The following DMXL1 variants were observed in gnomAD, a reference collection of about 807,000 sequenced individuals.
The protein encoded by DMXL1 is Dmx like 1.
A neutral mutation model predicts 319.2 loss-of-function variants in DMXL1; 99 were observed. The observed-to-expected ratio is 0.31, with a 90% CI of 0.26 to 0.37. The LOEUF is 0.37. Among genes scored for constraint, DMXL1 ranks in the 10% least tolerant of loss-of-function variants. DMXL1 has a pLI of 1.00. For missense variants in DMXL1, 3,745 were observed against 3,595.6 expected (o/e 1.04, Z -1.06); for synonymous variants, 1,385 against 1,235.2 (o/e 1.12, Z -2.54).
chr5:119,150,502 C>T, intron 18 of DMXL1, 81 bp downstream of exon 18: 2 of 1,434,082 alleles, frequency 1.4e-6, no homozygotes, highest in Non-Finnish European at 1.8e-6. Flanking sequence ...TAAAATGATG[C>T]CATTGGCTAG....
intron 6 of DMXL1, among the ~76,000 whole-genome samples, chr5:119,115,540 T>G (rs1760656391): frequency 6.6e-6 from 1 of 152,190 alleles, no homozygotes; most frequent in Non-Finnish European, 1.5e-5. Flanking sequence ...GGTTTTTGTT[T>G]TTTAGGAGAG....
chr5:119,105,292 T>C (rs1247802043), intron 4 of DMXL1, 34 bp downstream of exon 4: 2 of 1,504,266 alleles, frequency 1.3e-6, no homozygotes, highest in South Asian at 2.3e-5. Context: ...TAAAATGAAA[T>C]ATCACTTGCC....
intron 28 of DMXL1, among the ~76,000 whole-genome samples, chr5:119,186,247 G>T (rs1232332737): frequency 6.6e-6 from 1 of 152,068 alleles, no homozygotes; most frequent in African/African-American, 2.4e-5. Context: ...GAGACCTGCT[G>T]GTTACTTTAA....
At position 119,171,134 on chromosome 5, in the gene DMXL1, A is replaced by C. The variant is rs752947573; in HGVS notation, c.6343A>C (p.Asn2115His). ...HQTKVKQLRENFQEKRQWLLK... is the reference protein window; with the variant it reads ...HQTKVKQLREHFQEKRQWLLK... ...AACAAAAGTGAAACAACTGAGAGAA[A>C]ATTTTCAGGAAAAAAGACAGTGGCT... The change falls in exon 24 of 44, where the codon AAT becomes CAT. Residue 2115 changes from asparagine to histidine, a missense_variant. This residue lies in a region of DMXL1 where 1,382 missense variants were observed against 1,269.5 expected (regional missense o/e 1.09). Transcript: ENST00000539542. 1.1e-5 allele frequency: 18 copies of C among 1,613,884 alleles called. No homozygotes were observed. The highest frequency in any genetic ancestry group is 1.7e-5 in the Admixed American group (1 of 59,998).
chr5:119,210,533 A>G (rs957876282), intron 34 of DMXL1, among the ~76,000 whole-genome samples: 1 of 152,128 alleles, frequency 6.6e-6, no homozygotes, highest in Non-Finnish European at 1.5e-5. Context: ...TATTTCTTGA[A>G]AAGATTATCT....
Position 119,122,440 on chromosome 5 carries a change from C to A in DMXL1, c.1102+1301C>A, listed in dbSNP as rs1449005508. On this transcript the variant is annotated intron_variant, in intron 9 of 43. Transcript: ENST00000539542. The stretch of plus-strand genomic sequence containing the variant: ...ATGGGGCAGCTGGCCGGGCGGGGGG[C>A]TAACCCCCCCCACCTCCCTCCCAGA... Among the ~76,000 whole-genome samples, 4 of 149,980 alleles carry A rather than the reference C, an allele frequency of 2.7e-5. No individual in the cohort carries two copies. The East Asian group carries it at 8.0e-4, about 30-fold the overall frequency.
intron 1 of DMXL1, among the ~76,000 whole-genome samples, chr5:119,077,196 T>TCAAAACCA (rs1398492149): frequency 0.03 from 4,494 of 152,150 alleles, 208 homozygotes; most frequent in African/African-American, 0.1. Context: ...CTTGTTATAT[T>TCAAAACCA]GCCCAGACTG....
chr5:119,127,366 T>TC (rs1309345620), intron 9 of DMXL1: 1 of 158,956 alleles, frequency 6.3e-6, no homozygotes, highest in Non-Finnish European at 1.4e-5. Context: ...TTTTTTTTTT[T>TC]TTGAGACAGA....
intron 40 of DMXL1, among the ~76,000 whole-genome samples, 163 bp downstream of exon 40, chr5:119,237,577 A>G (rs928854030): frequency 1.3e-5 from 2 of 152,008 alleles, no homozygotes; most frequent in South Asian, 2.1e-4. Context: ...TGTGAAAATT[A>G]CTCTGTGAAG....
At chr5:119,203,106 T>C (rs1037460967) in intron 32 of DMXL1, among the ~76,000 whole-genome samples, 4 of 151,900 alleles carry the variant, frequency 2.6e-5, no homozygotes, top group African/African-American at 9.7e-5. Context: ...ACTTGAGTAG[T>C]TGTGACAGAG....
chr5:119,223,078 A>C (rs1784919341), intron 37 of DMXL1, among the ~76,000 whole-genome samples: 1 of 121,238 alleles, frequency 8.2e-6, no homozygotes, highest in African/African-American at 3.1e-5. Flanking sequence ...TTTTTTTGAG[A>C]TGGAGTCTCG....
rs774079443 is a variant in DMXL1 at position 119,114,457 on chromosome 5, T to C, written c.498-18T>C. ...TTAGTTTTCATTGCAAATTATTCCT[T>C]ATCTGTTTAATTTACAGAACTGCTT... is the stretch of plus-strand genomic sequence containing the variant. On this transcript the variant is annotated intron_variant, in intron 5 of 43. Coordinates refer to ENST00000539542, the MANE Select transcript of DMXL1 (RefSeq NM_001290321.3). The C allele has an allele frequency of 3.2e-5, 49 of 1,552,686 alleles. No individual in the cohort carries two copies. Among genetic ancestry groups the C allele is most frequent in the Non-Finnish European group, 4.1e-5 (47 of 1,137,436 alleles).
chr5:119,113,954 GC>G (rs1414873277), intron 5 of DMXL1, among the ~76,000 whole-genome samples: 1 of 152,204 alleles, frequency 6.6e-6, no homozygotes, highest in Non-Finnish European at 1.5e-5. Flanking sequence ...GTAAGGGAAG[GC>G]AATGAAGAGA....
At chr5:119,242,127 A>G (rs1481195153) in intron 42 of DMXL1, among the ~76,000 whole-genome samples, 2 of 152,206 alleles carry the variant, frequency 1.3e-5, no homozygotes, top group Non-Finnish European at 2.9e-5. Context: ...TTATGCATTC[A>G]TGGCATACTT....
chr5:119,157,768 G>A (rs1056180351), intron 19 of DMXL1, among the ~76,000 whole-genome samples: 3 of 152,176 alleles, frequency 2.0e-5, no homozygotes, highest in Admixed American at 1.3e-4. Flanking sequence ...CTCTAGGTTT[G>A]TTCTTTCATC....
chr5:119,190,193 G>A (rs1430233805), intron 29 of DMXL1, among the ~76,000 whole-genome samples: 1 of 152,082 alleles, frequency 6.6e-6, no homozygotes, highest in Non-Finnish European at 1.5e-5. Flanking sequence ...GTACTTGATG[G>A]TGATTAAGGA....
At chr5:119,246,788 C>T (rs1789880948) in intron 43 of DMXL1, among the ~76,000 whole-genome samples, 1 of 151,928 alleles carries the variant, frequency 6.6e-6, no homozygotes, top group Non-Finnish European at 1.5e-5. Flanking sequence ...CATGTGCCAC[C>T]TCGCCGGGCT....
chr5:119,173,776 G>GTGTGTATA, intron 25 of DMXL1, among the ~76,000 whole-genome samples: 2 of 67,168 alleles, frequency 3.0e-5, no homozygotes, highest in African/African-American at 5.6e-5. Context: ...ATGTGTGTGT[G>GTGTGTATA]TATATATATA....
rs112248515 is a variant in DMXL1 at position 119,202,917 on chromosome 5, T to A, written c.7746-402T>A. Among the ~76,000 whole-genome samples, 413 of 139,052 alleles carry A rather than the reference T, an allele frequency of 3.0e-3. 2 individuals are homozygous for A. In the Middle Eastern group the frequency reaches 0.036, roughly 12 times the overall value. The allele number at this position is 139,052 out of a possible 152,430, so 91.2% of individuals were successfully genotyped here. A position where few individuals can be genotyped will look rare whatever the true frequency, so the allele number is the denominator to read the frequency against. ...TATATATATATATATTTATATATTT[T>A]TATATATATATAATTTCTTACCTTC... On this transcript the variant is annotated intron_variant, in intron 32 of 43. Coordinates refer to ENST00000539542, the MANE Select transcript of DMXL1 (RefSeq NM_001290321.3).
Sources: gnomAD v4.1 joint callset for allele counts (sites outside exome capture counted in the v4.1 genomes callset) on GRCh38, gnomAD v4.1.1 for gene constraint, gnomAD v4.1.1 regional missense constraint, MANE v1.5 for transcripts, NCBI Gene and HGNC (gene_info 2026-07-23, HGNC 2026-07-21) for gene names.